CHD2: variants seen among roughly 807,000 people sequenced by gnomAD.
The protein encoded by CHD2 is ATP-dependent chromatin remodeler CHD2.
In CHD2, 28 loss-of-function variants were observed where a neutral mutation model predicts 243.9. That is an observed-to-expected ratio of 0.11 (90% CI 0.09 to 0.16). The LOEUF is 0.16. CHD2 is among the 10% of genes least tolerant of loss of function. CHD2 has a pLI of 1.00. For synonymous variants in CHD2, 775 were observed against 779.0 expected, an observed-to-expected ratio of 0.99 and a Z score of 0.09; for missense variants, 1,386 against 2,209.8, an observed-to-expected ratio of 0.63 and a Z score of 7.47.
intron 26 of CHD2, among the ~76,000 whole-genome samples, chr15:92,986,882 C>T (rs1200633835): frequency 6.6e-6 from 1 of 152,050 alleles, no homozygotes; most frequent in Non-Finnish European, 1.5e-5. Flanking sequence ...CAGGCATGTG[C>T]CACCATGTCT....
At chr15:92,905,808 A>G (rs2052610515) in intron 2 of CHD2, among the ~76,000 whole-genome samples, 1 of 152,228 alleles carries the variant, frequency 6.6e-6, no homozygotes, top group Non-Finnish European at 1.5e-5. Flanking sequence ...ATGCTAACAG[A>G]GAATTAAGTG....
At chr15:92,936,140 T>TC (rs1174984754) in intron 5 of CHD2, among the ~76,000 whole-genome samples, 2 of 152,252 alleles carry the variant, frequency 1.3e-5, no homozygotes, top group East Asian at 1.9e-4. Context: ...TGTTGTTTTT[T>TC]CCCCCTAAGG....
intron 13 of CHD2, among the ~76,000 whole-genome samples, chr15:92,949,730 T>C (rs2053527278): frequency 1.3e-5 from 2 of 152,246 alleles, no homozygotes; most frequent in African/African-American, 2.4e-5. Flanking sequence ...TACTAAGTGC[T>C]AGGTGTTAGA....
chr15:92,905,625 T>A (rs748932562), intron 2 of CHD2, among the ~76,000 whole-genome samples: 1 of 152,234 alleles, frequency 6.6e-6, no homozygotes, highest in Non-Finnish European at 1.5e-5. Flanking sequence ...AAAGTTAGAA[T>A]TCACTATGAT....
At chr15:92,921,325 G>C (rs528778251) in intron 2 of CHD2, 1 of 152,428 alleles carries the variant, frequency 6.6e-6, no homozygotes, top group Admixed American at 6.5e-5. Flanking sequence ...TAAGTCATGT[G>C]CCTTGAGAAA....
chr15:92,953,306 T>C (rs770276219), intron 13 of CHD2, 51 bp from the exon 14 acceptor site: 5 of 1,492,408 alleles, frequency 3.4e-6, no homozygotes, highest in Non-Finnish European at 4.7e-6. Context: ...ACATTCTGTG[T>C]TTTGGTGAAC....
intron 34 of CHD2, 54 bp from the exon 35 acceptor site, chr15:93,009,091 C>G (rs2141881445): frequency 6.3e-7 from 1 of 1,579,834 alleles, no homozygotes; most frequent in East Asian, 2.3e-5. Flanking sequence ...AAGCAAAGGA[C>G]AAGACTTACT....
At position 92,998,445 on chromosome 15, in the gene CHD2, C is replaced by G. The variant is rs1340749694; in HGVS notation, c.3886-54C>G. The stretch of plus-strand genomic sequence containing the variant: ...TTTTGTTGTCTCTGTTTATCCTGAT[C>G]CACTAACCAGGATGTGGGTGGTGGC... On this transcript the variant is annotated intron_variant, in intron 30 of 38. Transcript: ENST00000394196. This position sits in a 1 kb window ranked among gnomAD's most constrained non-coding sequence, Gnocchi z 5.1. 11 of 1,608,658 alleles carry G rather than the reference C, an allele frequency of 6.8e-6. No individual in the cohort carries two copies. Among genetic ancestry groups the G allele is most frequent in the Admixed American group, 1.7e-5 (1 of 59,716 alleles).
At chr15:92,923,569 T>TG (rs201502737) in intron 2 of CHD2, among the ~76,000 whole-genome samples, 1,989 of 150,240 alleles carry the variant, frequency 0.013, 48 homozygotes, top group African/African-American at 0.046. Flanking sequence ...TTGTTTTTTT[T>TG]TTTTTTTTTT....
At chr15:92,934,090 T>G (rs2053223726) in intron 5 of CHD2, among the ~76,000 whole-genome samples, 1 of 152,188 alleles carries the variant, frequency 6.6e-6, no homozygotes, top group East Asian at 1.9e-4. Context: ...GTCTTCTAAG[T>G]GGAGGAAAAA....
At chr15:92,992,756 T>G in intron 27 of CHD2, 103 bp from the exon 28 acceptor site, 1 of 1,439,238 alleles carries the variant, frequency 6.9e-7, no homozygotes, top group African/African-American at 1.4e-5. Context: ...CAAAGAAAAG[T>G]GTCTTTGCAG....
At chr15:92,979,380 C>T (rs546776759) in intron 22 of CHD2, 97 bp downstream of exon 22, 28 of 1,394,066 alleles carry the variant, frequency 2.0e-5, no homozygotes, top group Non-Finnish European at 2.5e-5. Context: ...TTAGTCTGTT[C>T]ATTACCTGGA....
chr15:92,972,222 T>C (rs2053850729), intron 18 of CHD2, 43 bp from the exon 19 acceptor site: 5 of 1,581,410 alleles, frequency 3.2e-6, no homozygotes, highest in Non-Finnish European at 4.3e-6. Context: ...AGATTAAAAT[T>C]TGTGTTTCAA....
In CHD2 at chr15:92,956,798, T is replaced by C. The variant is rs567120217; in HGVS notation, c.2000+149T>C. On this transcript the variant is annotated intron_variant, in intron 16 of 38. Transcript: ENST00000394196. The stretch of plus-strand genomic sequence containing the variant: ...GGAGGCAGGGATGGCGGTAGTAAAA[T>C]GTTTCATAATCAATGAAAGAAGGCA... The C allele has an allele frequency of 1.6e-4, 115 of 697,584 alleles. No individual in the cohort carries two copies. The African/African-American group carries it at 2.0e-3, about 12-fold the overall frequency. The allele number at this position is 697,584 out of a possible 1,614,324, so 43.2% of individuals were successfully genotyped here.
At position 92,972,267 on chromosome 15, in the gene CHD2, C is replaced by T; in HGVS notation, c.2355C>T (p.Ser785=). The T allele has an allele frequency of 6.2e-7, 1 of 1,606,896 alleles. No homozygotes were observed. The highest frequency in any genetic ancestry group is 8.5e-7 in the Non-Finnish European group (1 of 1,177,786). The change falls in exon 19 of 39, where the codon TCC becomes TCT. Residue 785 remains serine (S), a splice_region_variant and synonymous_variant. Coordinates refer to ENST00000394196, the MANE Select transcript of CHD2 (RefSeq NM_001271.4). ...TGGAATGTCTTTTAAATCTTCAGTCCCTCATAAGGAGCAGTGGGAAGTTGA... is the reference window on the plus strand; with the variant it reads ...TGGAATGTCTTTTAAATCTTCAGTCTCTCATAAGGAGCAGTGGGAAGTTGA... The part of the protein sequence containing the change: ...ERENGQEILL[S]LIRSSGKLIL...
chr15:92,931,694 T>G (rs2053169964), intron 5 of CHD2, among the ~76,000 whole-genome samples: 1 of 152,170 alleles, frequency 6.6e-6, no homozygotes, highest in South Asian at 2.1e-4. Context: ...TTTATATATA[T>G]ACAAACATAA....
Position 92,941,878 on chromosome 15 carries a change from G to C in CHD2, c.749G>C (p.Gly250Ala), listed in dbSNP as rs1481649581. 4 of 1,613,324 alleles carry C rather than the reference G, an allele frequency of 2.5e-6. No homozygotes were observed. The highest frequency in any genetic ancestry group is 3.4e-6 in the Non-Finnish European group (4 of 1,179,456). The change falls in exon 8 of 39, where the codon GGA becomes GCA. Residue 250 changes from glycine (G) to alanine (A), a missense_variant. By Grantham distance (60) the Gly-to-Ala change is moderately conservative. Transcript: ENST00000394196. Reference sequence around the variant, plus strand: ...TCAGATGATCTCATTGAAATGACTGGAGAAGGAGTTGATGAACAGCAAGAT... The same window carrying C: ...TCAGATGATCTCATTGAAATGACTGCAGAAGGAGTTGATGAACAGCAAGAT... ...TDSDDLIEMT[G>A]EGVDEQQDNS...
chr15:92,941,991 A>G lies in CHD2; in HGVS notation c.826+36A>G, dbSNP rs756165149. 15 of 1,591,768 alleles carry G rather than the reference A, an allele frequency of 9.4e-6. No individual in the cohort carries two copies. In the East Asian group the frequency reaches 2.5e-4, roughly 26 times the overall value. On this transcript the variant is annotated intron_variant, in intron 8 of 38. Coordinates refer to ENST00000394196, the MANE Select transcript of CHD2 (RefSeq NM_001271.4). ...TTGGGGAGCAAATTACATTTTATGT[A>G]TGCTTAGTAAGACTTAGATTTTAGG... is the stretch of plus-strand genomic sequence containing the variant.
intron 2 of CHD2, among the ~76,000 whole-genome samples, chr15:92,912,843 C>T (rs768310307): frequency 1.2e-4 from 19 of 152,248 alleles, no homozygotes; most frequent in Non-Finnish European, 1.8e-4. Flanking sequence ...AGCCACTGCG[C>T]CAGGCCCTGA....
Sources: gnomAD v4.1 joint callset for allele counts (sites outside exome capture counted in the v4.1 genomes callset) on GRCh38, gnomAD v4.1.1 for gene constraint, Gnocchi (gnomAD v3.1) non-coding constraint, MANE v1.5 for transcripts, NCBI Gene and HGNC (gene_info 2026-07-23, HGNC 2026-07-21) for gene names.